Variants in PLPP3 observed in about 807,000 individuals in gnomAD.
The protein encoded by PLPP3 is phospholipid phosphatase 3.
A neutral mutation model predicts 29.6 loss-of-function variants in PLPP3; 6 were observed. That is an observed-to-expected ratio of 0.20 (90% CI 0.11 to 0.40). PLPP3 has a LOEUF of 0.40. PLPP3 is among the 10% of genes least tolerant of loss of function. The probability of loss-of-function intolerance (pLI) is 1.00; values close to 1 mark genes in which losing one functional copy is unlikely to be tolerated. For synonymous variants in PLPP3, 152 were observed against 159.7 expected (o/e 0.95, Z 0.36); for missense variants, 308 against 407.7 (o/e 0.76, Z 2.11).
intron 1 of PLPP3, among the ~76,000 whole-genome samples, chr1:56,577,306 G>GC (rs1306994052): frequency 6.6e-6 from 1 of 152,106 alleles, no homozygotes. Context: ...AGGAAGGTAG[G>GC]CCCCCCAGTG....
intron 5 of PLPP3, among the ~76,000 whole-genome samples, chr1:56,505,147 T>G (rs772496623): frequency 5.3e-5 from 8 of 152,228 alleles, no homozygotes; most frequent in Non-Finnish European, 1.2e-4. Context: ...GACCAACTCC[T>G]TTTAGCTCTG....
At position 56,578,967 on chromosome 1, in the gene PLPP3, C is replaced by T; in HGVS notation, c.50G>A (p.Gly17Asp). 1 of 1,602,590 alleles carries T rather than the reference C, an allele frequency of 6.2e-7. No individual in the cohort carries two copies. The change falls in exon 1 of 6, where the codon GGC becomes GAC. Residue 17 changes from glycine to aspartate, a missense_variant. Transcript: ENST00000371250. ...GTTGTTGTTGAGCGCCGGGCTGCCGCCGTTCTTGCTCTCCGGGACGATCGC... is the reference window on the plus strand; with the variant it reads ...GTTGTTGTTGAGCGCCGGGCTGCCGTCGTTCTTGCTCTCCGGGACGATCGC... ...DKAIVPESKNGGSPALNNNPR... is the reference protein window; with the variant it reads ...DKAIVPESKNDGSPALNNNPR...
chr1:56,569,183 T>C (rs1304846875), intron 1 of PLPP3, among the ~76,000 whole-genome samples: 3 of 152,180 alleles, frequency 2.0e-5, no homozygotes, highest in African/African-American at 7.2e-5. Flanking sequence ...TTTTTTGTTT[T>C]TGTTTTTTTG....
chr1:56,532,013 G>C (rs74594211), intron 2 of PLPP3, among the ~76,000 whole-genome samples: 3,906 of 152,204 alleles, frequency 0.026, 60 homozygotes, highest in South Asian at 0.095. Flanking sequence ...CCTCCGTATT[G>C]ATACGTTTTT....
At chr1:56,562,143 A>G (rs1646134422) in intron 1 of PLPP3, among the ~76,000 whole-genome samples, 1 of 149,790 alleles carries the variant, frequency 6.7e-6, no homozygotes, top group Non-Finnish European at 1.5e-5. Flanking sequence ...CCCAGAGTGG[A>G]GATGTCTGGG....
rs780827035 is a variant in PLPP3 at position 56,523,874 on chromosome 1, G to A, written c.582C>T (p.Ser194=). ...AGAAGGAGGCATGGCCAGAGAAGAA[G>A]GACTTCCTGCAAGAGCAAGAGAGGG... ...DDSKVQEARK[S]FFSGHASFSM... Residue 194 remains serine, a synonymous_variant, in exon 4 of 6, where the codon TCC becomes TCT. Transcript: ENST00000371250. 26 of 1,613,520 alleles carry A rather than the reference G, an allele frequency of 1.6e-5. 1 individual carries two copies. In the Admixed American group the frequency reaches 4.2e-4, roughly 26 times the overall value.
rs1205295695 is a variant in PLPP3 at position 56,495,407 on chromosome 1, TGTTCTGCCCAGCA to T, written c.*1131_*1143del. ...ACTCTCTACCGAGATTTAACCCATA[TGTTCTGCCCAGCA>T]GAACCTACCAAGAACTGCCCTAGGG... On this transcript the variant is annotated 3_prime_UTR_variant, in exon 6 of 6. Transcript: ENST00000371250. 1.3e-5 allele frequency: 2 copies of T among 152,688 alleles called. No individual in the cohort carries two copies. Among genetic ancestry groups the T allele is most frequent in the African/African-American group, 4.8e-5 (2 of 41,470 alleles). 9.5% of individuals were successfully genotyped at this position (152,688 alleles called of 1,614,324 possible).
intron 1 of PLPP3, among the ~76,000 whole-genome samples, chr1:56,553,480 G>A (rs1285081949): frequency 6.6e-6 from 1 of 152,132 alleles, no homozygotes; most frequent in African/African-American, 2.4e-5. Flanking sequence ...CCCTGAATGA[G>A]GTGCATTAAG....
At chr1:56,512,276 G>T in intron 4 of PLPP3, 124 bp from the exon 5 acceptor site, 1 of 914,268 alleles carries the variant, frequency 1.1e-6, no homozygotes, top group Non-Finnish European at 1.6e-6. Flanking sequence ...GTGGCATGTT[G>T]TAGATACAGC....
At chr1:56,527,735 T>C (rs1327463599) in intron 2 of PLPP3, among the ~76,000 whole-genome samples, 2 of 152,160 alleles carry the variant, frequency 1.3e-5, no homozygotes, top group Non-Finnish European at 2.9e-5. Flanking sequence ...ATCATCATTA[T>C]GAACCAGGCG....
chr1:56,578,380 C>T (rs1421869780), intron 1 of PLPP3, among the ~76,000 whole-genome samples: 1 of 152,172 alleles, frequency 6.6e-6, no homozygotes, highest in East Asian at 1.9e-4. Context: ...GCTAGCCAGT[C>T]TGGCGAGCCT....
intron 1 of PLPP3, among the ~76,000 whole-genome samples, chr1:56,571,303 G>A (rs1413451449): frequency 6.6e-6 from 1 of 152,128 alleles, no homozygotes; most frequent in South Asian, 2.1e-4. Flanking sequence ...ACTGTACTAG[G>A]CATGTCCCCA....
chr1:56,503,224 G>C (rs1175762226), intron 5 of PLPP3, among the ~76,000 whole-genome samples: 1 of 152,166 alleles, frequency 6.6e-6, no homozygotes, highest in Non-Finnish European at 1.5e-5. Context: ...GAGGGAAAAT[G>C]ATGAGGTGGA....
At chr1:56,528,562 A>G (rs1216244860) in intron 2 of PLPP3, among the ~76,000 whole-genome samples, 1 of 152,090 alleles carries the variant, frequency 6.6e-6, no homozygotes, top group African/African-American at 2.4e-5. Context: ...AAGGTTAATA[A>G]TATCTATGTG....
At chr1:56,546,369 TAG>T (rs923041474) in intron 1 of PLPP3, among the ~76,000 whole-genome samples, 1 of 152,204 alleles carries the variant, frequency 6.6e-6, no homozygotes, top group African/African-American at 2.4e-5. Flanking sequence ...ATCCTTGCTG[TAG>T]AGAGTAAGAG....
intron 1 of PLPP3, among the ~76,000 whole-genome samples, chr1:56,560,926 C>CT (rs1646121464): frequency 6.6e-6 from 1 of 150,982 alleles, no homozygotes; most frequent in African/African-American, 2.4e-5. Context: ...CAAGCTCCGC[C>CT]TCCAGGGTTC....
intron 2 of PLPP3, among the ~76,000 whole-genome samples, chr1:56,531,834 C>T (rs1398643707): frequency 6.6e-6 from 1 of 152,136 alleles, no homozygotes; most frequent in Non-Finnish European, 1.5e-5. Context: ...ATAATAGCAA[C>T]CTCACATAGC....
At chr1:56,543,949 C>T (rs938261140) in intron 1 of PLPP3, among the ~76,000 whole-genome samples, 11 of 152,064 alleles carry the variant, frequency 7.2e-5, no homozygotes, top group African/African-American at 2.7e-4. Flanking sequence ...GTCTTTAGTC[C>T]AACTCAACAA....
Position 56,524,002 on chromosome 1 carries a change from G to T in PLPP3, c.576-122C>A. ...CAGGCACTAGGCCCTGTTCATTTTT[G>T]CATCCTTGGTAGTGCTTTGGACCCA... On this transcript the variant is annotated intron_variant, in intron 3 of 5. Coordinates refer to ENST00000371250, the MANE Select transcript of PLPP3 (RefSeq NM_003713.5). The surrounding 1 kb of genome is among the most constrained non-coding windows in gnomAD (Gnocchi z 4.3). The T allele has an allele frequency of 8.4e-7, 1 of 1,193,696 alleles. No homozygotes were observed. Among genetic ancestry groups the T allele is most frequent in the Non-Finnish European group, 1.2e-6 (1 of 835,730 alleles). 73.9% of individuals were successfully genotyped at this position (1,193,696 alleles called of 1,614,324 possible). A position where few individuals can be genotyped will look rare whatever the true frequency, so the allele number is the denominator to read the frequency against.
Sources: gnomAD v4.1 joint callset for allele counts (sites outside exome capture counted in the v4.1 genomes callset) on GRCh38, gnomAD v4.1.1 for gene constraint, Gnocchi (gnomAD v3.1) non-coding constraint, MANE v1.5 for transcripts, NCBI Gene and HGNC (gene_info 2026-07-23, HGNC 2026-07-21) for gene names.